The following PLXNA4 variants were observed in gnomAD, a reference collection of about 807,000 sequenced individuals.
PLXNA4 encodes plexin-A4.
Under a neutral mutation model 191.8 loss-of-function variants are expected in PLXNA4, and 44 were observed. The ratio of observed to expected loss-of-function variants is 0.23; its 90% CI spans 0.18 to 0.29. The LOEUF is 0.29. PLXNA4 is among the 10% of genes least tolerant of loss of function. The pLI, the probability that PLXNA4 is intolerant of heterozygous loss-of-function variation, is 1.00. For synonymous variants in PLXNA4, 1,082 were observed against 1,009.5 expected (o/e 1.07, Z -1.36); for missense variants, 1,800 against 2,488.8 (o/e 0.72, Z 5.89).
chr7:132,339,632 C>T (rs1802947522), intron 3 of PLXNA4, among the ~76,000 whole-genome samples: 1 of 152,166 alleles, frequency 6.6e-6, no homozygotes. Context: ...TATGTAAATA[C>T]ATGAATAAAC....
At chr7:132,304,739 C>T (rs78772825) in intron 3 of PLXNA4, among the ~76,000 whole-genome samples, 4 of 151,618 alleles carry the variant, frequency 2.6e-5, no homozygotes, top group African/African-American at 7.3e-5. Context: ...GACTATCCCC[C>T]GGAGGCATGC....
chr7:132,193,310 G>T (rs145490953), intron 14 of PLXNA4, among the ~76,000 whole-genome samples: 105 of 152,290 alleles, frequency 6.9e-4, no homozygotes, highest in African/African-American at 2.4e-3. Context: ...ACGAGGTGAC[G>T]CAGCAAGAAG....
chr7:132,200,317 T>C (rs1203080697), intron 12 of PLXNA4, among the ~76,000 whole-genome samples: 1 of 152,180 alleles, frequency 6.6e-6, no homozygotes, highest in African/African-American at 2.4e-5. Context: ...GGTTGGTTTC[T>C]TGTTGAGGGC....
rs773646747 is a variant in PLXNA4, at chr7:132,314,718, G to A, written c.1372-16496C>T. Among the ~76,000 whole-genome samples, 18 of 152,194 alleles carry A rather than the reference G, an allele frequency of 1.2e-4. 1 individual carries two copies. The highest frequency in any genetic ancestry group is 2.4e-4 in the African/African-American group (10 of 41,448). ...TATCAGAACTGTCCTGGGTCTGCAC[G>A]CTGGAGTTCACTAACTGGACTTCCA... On this transcript the variant is annotated intron_variant, in intron 3 of 31. Coordinates refer to ENST00000321063, the MANE Select transcript of PLXNA4 (RefSeq NM_020911.2).
At chr7:132,484,995 G>A in intron 3 of PLXNA4, 1 of 1,614,132 alleles carries the variant, frequency 6.2e-7, no homozygotes, top group Non-Finnish European at 8.5e-7. Context: ...ATTCCCCCTT[G>A]TGGACCTGTG....
chr7:132,228,393 G>A lies in PLXNA4; in HGVS notation c.1681C>T (p.Leu561=). The A allele has an allele frequency of 6.2e-7, 1 of 1,614,152 alleles. No individual in the cohort carries two copies. Among genetic ancestry groups the A allele is most frequent in the Non-Finnish European group, 8.5e-7 (1 of 1,180,036 alleles). The part of the protein sequence containing the change: ...FASEMKQCVR[L]TVHPNNISVS... ...GAGATATTGTTGGGATGGACCGTCAGCCGGACACACTGCTTCATCTCCGAG... is the reference window on the plus strand; with the variant it reads ...GAGATATTGTTGGGATGGACCGTCAACCGGACACACTGCTTCATCTCCGAG... The change falls in exon 6 of 32, where the codon CTG becomes TTG. Residue 561 remains leucine (L), a synonymous_variant. Transcript: ENST00000321063.
At chr7:132,617,640 T>G (rs1803183168) in intron 2 of PLXNA4, among the ~76,000 whole-genome samples, 1 of 152,196 alleles carries the variant, frequency 6.6e-6, no homozygotes, top group Non-Finnish European at 1.5e-5. Context: ...CTTCCTCCCA[T>G]GAAATCTAAA....
chr7:132,512,949 C>G (rs1585253026), intron 1 of PLXNA4, among the ~76,000 whole-genome samples: 1 of 152,174 alleles, frequency 6.6e-6, no homozygotes, highest in Non-Finnish European at 1.5e-5. Context: ...GTAATGGGAC[C>G]AAATAACCTT....
At chr7:132,317,779 A>G (rs1236967303) in intron 3 of PLXNA4, among the ~76,000 whole-genome samples, 1 of 152,234 alleles carries the variant, frequency 6.6e-6, no homozygotes, top group East Asian at 1.9e-4. Flanking sequence ...AAAAGTCAGC[A>G]CAGCATTGTG....
chr7:132,349,774 T>G (rs910978876), intron 3 of PLXNA4, among the ~76,000 whole-genome samples: 10 of 152,148 alleles, frequency 6.6e-5, no homozygotes, highest in African/African-American at 2.4e-4. Flanking sequence ...CCCTTGCTGC[T>G]TCTTATTAAT....
chr7:132,383,579 C>T, intron 3 of PLXNA4: 1 of 984,238 alleles, frequency 1.0e-6, no homozygotes. Flanking sequence ...TGTTATCACA[C>T]AAGAATCAGT....
chr7:132,202,977 G>A (rs1328582209), intron 11 of PLXNA4, 141 bp from the exon 12 acceptor site: 2 of 893,528 alleles, frequency 2.2e-6, no homozygotes, highest in African/African-American at 1.7e-5. Flanking sequence ...CCATTCTGAT[G>A]CAAAAAAGAA....
At chr7:132,617,775 C>A (rs1200647768) in intron 2 of PLXNA4, among the ~76,000 whole-genome samples, 1 of 152,190 alleles carries the variant, frequency 6.6e-6, no homozygotes, top group Non-Finnish European at 1.5e-5. Context: ...CTCTCTTAAA[C>A]CTGATATATG....
At chr7:132,354,083 A>T (rs1480404798) in intron 3 of PLXNA4, among the ~76,000 whole-genome samples, 10 of 152,152 alleles carry the variant, frequency 6.6e-5, no homozygotes, top group Admixed American at 5.9e-4. Context: ...CCCCAAGGGG[A>T]CATCAAAGGA....
In PLXNA4 at chr7:132,367,396, C is replaced by T. The variant is rs993518405; in HGVS notation, c.1372-69174G>A. 5.3e-5 allele frequency among the ~76,000 whole-genome samples: 8 copies of T among 152,076 alleles called. No homozygotes were observed. In the South Asian group the frequency reaches 8.3e-4, roughly 16 times the overall value. On this transcript the variant is annotated intron_variant, in intron 3 of 31. Coordinates refer to ENST00000321063, the MANE Select transcript of PLXNA4 (RefSeq NM_020911.2). ...TTCAGGCATGACAGCAAGTGGGCAG[C>T]GTACCACCCTCAAAAAGGATACACA...
chr7:132,327,515 C>G (rs1802420991), intron 3 of PLXNA4, among the ~76,000 whole-genome samples: 2 of 152,090 alleles, frequency 1.3e-5, no homozygotes, highest in African/African-American at 4.8e-5. Flanking sequence ...AGAATAAGAT[C>G]CATATATAAC....
chr7:132,244,053 C>A (rs1798967827), intron 4 of PLXNA4, among the ~76,000 whole-genome samples: 1 of 152,148 alleles, frequency 6.6e-6, no homozygotes, highest in South Asian at 2.1e-4. Flanking sequence ...GAACAGCTAT[C>A]TGCTTTTCTT....
intron 1 of PLXNA4, among the ~76,000 whole-genome samples, chr7:132,563,338 T>TCC (rs1801439389): frequency 9.0e-5 from 2 of 22,140 alleles, no homozygotes; most frequent in African/African-American, 1.9e-4. Flanking sequence ...TCCTCCTCCT[T>TCC]CTCCTCCTCT....
intron 3 of PLXNA4, among the ~76,000 whole-genome samples, chr7:132,428,208 G>T (rs1382171918): frequency 6.6e-6 from 1 of 152,072 alleles, no homozygotes; most frequent in Non-Finnish European, 1.5e-5. Flanking sequence ...TCCCAGGAGG[G>T]TCCCTTTCCT....
Sources: allele counts gnomAD v4.1 joint callset (sites outside exome capture counted in the v4.1 genomes callset), GRCh38; gene constraint gnomAD v4.1.1; transcripts MANE v1.5; gene names NCBI Gene and HGNC (gene_info 2026-07-23, HGNC 2026-07-21).